The following CENATAC variants were observed in gnomAD, a reference collection of about 807,000 sequenced individuals.
CENATAC encodes coiled-coil domain containing 84.
CENATAC carries 53 observed loss-of-function variants against 53.7 expected under a neutral mutation model. The observed-to-expected ratio is 0.99, with a 90% CI of 0.79 to 1.24. CENATAC has a LOEUF of 1.24. Ranked by LOEUF, CENATAC falls within the 50% of genes most tolerant of loss-of-function variation. CENATAC has a pLI of 0.00. For missense variants in CENATAC, 474 were observed against 417.8 expected (o/e 1.13, Z -1.17); for synonymous variants, 156 against 144.6 (o/e 1.08, Z -0.57).
In CENATAC at chr11:119,006,177, C is replaced by T. The variant is rs1325018577; in HGVS notation, c.384-4587C>T. On this transcript the variant is annotated intron_variant, in intron 3 of 10. Transcript: ENST00000334418. Reference sequence around the variant, plus strand: ...TCTCAGTTGACTGCAACCTCTGCCTCCCAGGTTCAAGCGATTCTCTTGAGT... The same window carrying T: ...TCTCAGTTGACTGCAACCTCTGCCTTCCAGGTTCAAGCGATTCTCTTGAGT... Among the ~76,000 whole-genome samples the T allele has an allele frequency of 8.1e-5, 12 of 147,362 alleles. No individual in the cohort carries two copies. In the Admixed American group the frequency reaches 8.2e-4, roughly 10 times the overall value.
intron 3 of CENATAC, among the ~76,000 whole-genome samples, chr11:119,005,388 C>CT (rs1942536376): frequency 2.0e-5 from 3 of 151,824 alleles, no homozygotes; most frequent in Non-Finnish European, 4.4e-5. Context: ...ATGGCGTGAA[C>CT]CCAGGAGGTG....
Position 119,002,920 on chromosome 11 carries a change from G to A in CENATAC, c.383+3811G>A, listed in dbSNP as rs186209290. 6.4e-5 allele frequency: 24 copies of A among 376,048 alleles called. No individual in the cohort carries two copies. In the East Asian group the frequency reaches 1.5e-3, roughly 23 times the overall value. The allele number at this position is 376,048 out of a possible 1,614,324, so 23.3% of individuals were successfully genotyped here. A position where few individuals can be genotyped will look rare whatever the true frequency, so the allele number is the denominator to read the frequency against. ...CCTGCCTCAGCCTCCTGAGTAGCTGGTATTACAGGCATGCGCCACCATGCC... is the reference window on the plus strand; with the variant it reads ...CCTGCCTCAGCCTCCTGAGTAGCTGATATTACAGGCATGCGCCACCATGCC... On this transcript the variant is annotated intron_variant, in intron 3 of 10. Transcript: ENST00000334418.
Position 119,002,224 on chromosome 11 carries a change from CAAAAAAAAAAA to C in CENATAC, c.383+3129_383+3139del, listed in dbSNP as rs782664366. Among the ~76,000 whole-genome samples, 12 of 49,558 alleles carry C rather than the reference CAAAAAAAAAAA, an allele frequency of 2.4e-4. No individual in the cohort carries two copies. In the South Asian group the frequency reaches 7.5e-3, roughly 31 times the overall value. 32.5% of individuals were successfully genotyped at this position (49,558 alleles called of 152,430 possible). ...GGGCAACAAGAGCAAAACTCTGTCT[CAAAAAAAAAAA>C]AAAAAAAAAAAAAGAAACTGATCAC... is the stretch of plus-strand genomic sequence containing the variant. On this transcript the variant is annotated intron_variant, in intron 3 of 10. Coordinates refer to ENST00000334418, the MANE Select transcript of CENATAC (RefSeq NM_198489.3).
Position 119,015,613 on chromosome 11 carries a change from A to C in CENATAC, c.*15A>C. 1.2e-6 allele frequency: 2 copies of C among 1,613,870 alleles called. No homozygotes were observed. The highest frequency in any genetic ancestry group is 1.7e-6 in the Non-Finnish European group (2 of 1,179,838). ...AAAAAAGCTAATCATGCTCTCTACC[A>C]ACTACCATGAGGCTAAAAGCAAAGT... is the stretch of plus-strand genomic sequence containing the variant. On this transcript the variant is annotated 3_prime_UTR_variant, in exon 11 of 11. Coordinates refer to ENST00000334418, the MANE Select transcript of CENATAC (RefSeq NM_198489.3).
intron 3 of CENATAC, chr11:119,003,258 TG>T: frequency 1.9e-6 from 1 of 531,146 alleles, no homozygotes; most frequent in South Asian, 1.4e-5. Flanking sequence ...TTGTTTCTCC[TG>T]GGGGTGCTCT....
intron 8 of CENATAC, among the ~76,000 whole-genome samples, chr11:119,013,625 A>G (rs926353727): frequency 1.4e-4 from 22 of 151,874 alleles, no homozygotes; most frequent in Admixed American, 3.9e-4. Context: ...CACTACGCCC[A>G]GCTAATTTTT....
chr11:119,013,778 A>C (rs866862901), intron 8 of CENATAC, among the ~76,000 whole-genome samples: 2 of 146,684 alleles, frequency 1.4e-5, no homozygotes, highest in African/African-American at 5.3e-5. Context: ...TTTTTTTTTT[A>C]AATAAAGTTG....
Position 119,008,206 on chromosome 11 carries a change from G to A in CENATAC, c.384-2558G>A, listed in dbSNP as rs377197238. Reference sequence around the variant, plus strand: ...CAGAGACAAAGTATAAAGAAACAACGGTGGGTCCAGGGGACTGGTGCTCAG... The same window carrying A: ...CAGAGACAAAGTATAAAGAAACAACAGTGGGTCCAGGGGACTGGTGCTCAG... On this transcript the variant is annotated intron_variant, in intron 3 of 10. Coordinates refer to ENST00000334418, the MANE Select transcript of CENATAC (RefSeq NM_198489.3). Among the ~76,000 whole-genome samples the A allele has an allele frequency of 1.8e-4, 28 of 152,194 alleles. No individual in the cohort carries two copies. The East Asian group carries it at 3.7e-3, about 20-fold the overall frequency.
rs782046128 is a variant in CENATAC at position 118,998,219 on chromosome 11, CCT to C, written c.25_26del (p.Leu9ValfsTer63). 1 of 1,583,186 alleles carries C rather than the reference CCT, an allele frequency of 6.3e-7. No individual in the cohort carries two copies. The highest frequency in any genetic ancestry group is 8.6e-7 in the Non-Finnish European group (1 of 1,165,398). On this transcript the variant is annotated frameshift_variant, in exon 1 of 11. Coordinates refer to ENST00000334418, the MANE Select transcript of CENATAC (RefSeq NM_198489.3). LOFTEE classifies it high-confidence loss of function. Reference sequence around the variant, plus strand: ...GGCTATGGCGCCGGCGCAGCGCTGCCCTCTGTGCCGCCAGACCTTCTTCTGTG... The same window carrying C: ...GGCTATGGCGCCGGCGCAGCGCTGCCCTGTGCCGCCAGACCTTCTTCTGTG... MAPAQRC[P>X]LCRQTFFCGR...
At chr11:119,007,476 C>T (rs1356355165) in intron 3 of CENATAC, among the ~76,000 whole-genome samples, 1 of 152,058 alleles carries the variant, frequency 6.6e-6, no homozygotes, top group African/African-American at 2.4e-5. Context: ...ACCACCTAAT[C>T]TGGCCTTTTT....
intron 6 of CENATAC, 29 bp downstream of exon 6, chr11:119,012,032 G>A (rs931265599): frequency 1.9e-6 from 3 of 1,613,742 alleles, no homozygotes; most frequent in African/African-American, 1.3e-5. Context: ...CTCTTGTTGG[G>A]AATTTGACAT....
chr11:119,011,270 GGTCT>G lies in CENATAC; in HGVS notation c.505_508del (p.Val169Ter). ...GAGCAGAGCCGACAGGAGGTGGTTC[GGTCT>G]GTCTTAGAGGTTGGTTTCCCTCGGA... On this transcript the variant is annotated frameshift_variant, in exon 5 of 11. Transcript: ENST00000334418. LOFTEE classifies it high-confidence loss of function. The G allele has an allele frequency of 1.9e-6, 3 of 1,614,078 alleles. No homozygotes were observed. The highest frequency in any genetic ancestry group is 1.1e-5 in the South Asian group (1 of 91,062).
chr11:119,015,700 C>G lies in CENATAC; in HGVS notation c.*102C>G, dbSNP rs782485533. On this transcript the variant is annotated 3_prime_UTR_variant, in exon 11 of 11. Transcript: ENST00000334418. ...ATCATTGTCTTTCTTAGGAAACAGA[C>G]ATACTCATTCATTTGATTTAATAAA... is the stretch of plus-strand genomic sequence containing the variant. The G allele has an allele frequency of 4.9e-5, 64 of 1,308,532 alleles. No individual in the cohort carries two copies. The highest frequency in any genetic ancestry group is 6.4e-5 in the Non-Finnish European group (59 of 919,008). 81.1% of individuals were successfully genotyped at this position (1,308,532 alleles called of 1,614,324 possible). A position where few individuals can be genotyped will look rare whatever the true frequency, so the allele number is the denominator to read the frequency against.
At position 119,015,657 on chromosome 11, in the gene CENATAC, C is replaced by T. The variant is rs760280051; in HGVS notation, c.*59C>T. ...GCAAAGTCAACAAACCCCTATTATA[C>T]CTTCCACCAAATTCTTTATCATTGT... On this transcript the variant is annotated 3_prime_UTR_variant, in exon 11 of 11. Transcript: ENST00000334418. 2.4e-4 allele frequency: 357 copies of T among 1,514,964 alleles called. No homozygotes were observed. Among genetic ancestry groups the T allele is most frequent in the Non-Finnish European group, 3.1e-4 (344 of 1,094,074 alleles). 93.8% of individuals were successfully genotyped at this position (1,514,964 alleles called of 1,614,324 possible).
At chr11:119,000,500 T>A (rs901909969) in intron 3 of CENATAC, among the ~76,000 whole-genome samples, 2 of 151,172 alleles carry the variant, frequency 1.3e-5, no homozygotes, top group Non-Finnish European at 2.9e-5. Flanking sequence ...TCTTTGCCTT[T>A]AAAAAAAAAT....
intron 3 of CENATAC, among the ~76,000 whole-genome samples, chr11:119,000,603 A>C (rs1299559060): frequency 6.6e-6 from 1 of 151,890 alleles, no homozygotes; most frequent in Non-Finnish European, 1.5e-5. Flanking sequence ...TAAAAATACA[A>C]AAATTAGCTG....
chr11:119,005,627 G>T (rs782691319), intron 3 of CENATAC: 1 of 151,702 alleles, frequency 6.6e-6, no homozygotes, highest in African/African-American at 2.4e-5. Flanking sequence ...GAAATTTCTG[G>T]ACTTCAACCA....
intron 3 of CENATAC, among the ~76,000 whole-genome samples, chr11:119,008,650 CTT>C (rs1165176519): frequency 6.6e-6 from 1 of 152,220 alleles, no homozygotes; most frequent in African/African-American, 2.4e-5. Flanking sequence ...AGGCTTTCCT[CTT>C]TTACTAATCC....
At chr11:119,012,369 T>A in intron 7 of CENATAC, 115 bp downstream of exon 7, 1 of 1,157,052 alleles carries the variant, frequency 8.6e-7, no homozygotes, top group Non-Finnish European at 1.2e-6. Context: ...GGCTTTTCCT[T>A]CTTCCTTCAC....
Sources: allele counts gnomAD v4.1 joint callset (sites outside exome capture counted in the v4.1 genomes callset), GRCh38; gene constraint gnomAD v4.1.1; transcripts MANE v1.5; gene names NCBI Gene and HGNC (gene_info 2026-07-23, HGNC 2026-07-21).